The following EBF1 variants were observed in gnomAD, a reference collection of about 807,000 sequenced individuals.
The protein encoded by EBF1 is transcription factor COE1.
A neutral mutation model predicts 68.4 loss-of-function variants in EBF1; 10 were observed. The ratio of observed to expected loss-of-function variants is 0.15; its 90% CI spans 0.09 to 0.25. EBF1 has a LOEUF of 0.25. Among genes scored for constraint, EBF1 ranks in the 10% least tolerant of loss-of-function variants. EBF1 has a pLI of 1.00. For missense variants in EBF1, 509 were observed against 794.4 expected, an observed-to-expected ratio of 0.64 and a Z score of 4.32; for synonymous variants, 298 against 299.8, an observed-to-expected ratio of 0.99 and a Z score of 0.06.
chr5:158,853,589 T>C (rs1793398072), intron 6 of EBF1, among the ~76,000 whole-genome samples: 1 of 152,098 alleles, frequency 6.6e-6, no homozygotes, highest in African/African-American at 2.4e-5. Flanking sequence ...AGAGCTTACA[T>C]CATACAATGC....
intron 6 of EBF1, among the ~76,000 whole-genome samples, chr5:158,988,183 T>C (rs1354543428): frequency 1.2e-4 from 19 of 152,234 alleles, no homozygotes; most frequent in Admixed American, 1.2e-3. Flanking sequence ...CCATCCGCAG[T>C]GGACCTGGCC....
intron 6 of EBF1, among the ~76,000 whole-genome samples, chr5:158,842,081 C>G (rs1790444860): frequency 6.6e-6 from 1 of 152,206 alleles, no homozygotes; most frequent in Non-Finnish European, 1.5e-5. Flanking sequence ...TTTCCGGTAC[C>G]AAGACCCACA....
chr5:159,023,429 G>A (rs1408475984), intron 6 of EBF1, among the ~76,000 whole-genome samples: 2 of 152,090 alleles, frequency 1.3e-5, no homozygotes, highest in Non-Finnish European at 2.9e-5. Context: ...TCTGTCTGAT[G>A]CCCACATTAT....
chr5:158,948,857 T>C (rs11135049), intron 6 of EBF1, among the ~76,000 whole-genome samples: 130,277 of 152,120 alleles, frequency 0.86, 57,148 homozygotes, highest in Non-Finnish European at 0.96. Flanking sequence ...CCTACTTCAT[T>C]CCCTGCCTCC....
chr5:159,018,297 A>G (rs1765998871), intron 6 of EBF1, among the ~76,000 whole-genome samples: 1 of 152,220 alleles, frequency 6.6e-6, no homozygotes, highest in African/African-American at 2.4e-5. Context: ...TTCAACTATG[A>G]TGTGGGAGTT....
At chr5:158,833,682 T>C (rs1788107995) in intron 7 of EBF1, among the ~76,000 whole-genome samples, 1 of 152,144 alleles carries the variant, frequency 6.6e-6, no homozygotes, top group Admixed American at 6.6e-5. Context: ...AGGCATAAAA[T>C]AAAAGGAGTC....
intron 6 of EBF1, among the ~76,000 whole-genome samples, chr5:158,999,257 C>T (rs1393310228): frequency 4.6e-5 from 7 of 152,136 alleles, no homozygotes; most frequent in East Asian, 3.8e-4. Flanking sequence ...TTCCAAGCAA[C>T]GGAGACATAA....
chr5:158,909,974 A>G (rs1003060433), intron 6 of EBF1, among the ~76,000 whole-genome samples: 4 of 150,088 alleles, frequency 2.7e-5, no homozygotes, highest in Non-Finnish European at 4.4e-5. Context: ...AAAAAAAAAA[A>G]AAAAAAAAAA....
chr5:158,937,530 G>A lies in EBF1; in HGVS notation c.555-97420C>T, dbSNP rs577989329. Among the ~76,000 whole-genome samples the A allele has an allele frequency of 1.2e-4, 18 of 152,316 alleles. No homozygotes were observed. The South Asian group carries it at 2.1e-3, about 18-fold the overall frequency. ...CCCTGAGCAAGGGTGTAGGCACACC[G>A]ATGAAGGGAAAGAATTGCTCAGGGT... On this transcript the variant is annotated intron_variant, in intron 6 of 15. Transcript: ENST00000313708.
At chr5:158,905,516 A>G (rs1804386567) in intron 6 of EBF1, among the ~76,000 whole-genome samples, 1 of 152,206 alleles carries the variant, frequency 6.6e-6, no homozygotes, top group Non-Finnish European at 1.5e-5. Context: ...TATTATTTAC[A>G]GTATTTACTT....
chr5:158,781,853 AT>A (rs1345027316), intron 9 of EBF1, among the ~76,000 whole-genome samples: 1 of 152,104 alleles, frequency 6.6e-6, no homozygotes. Context: ...TTCCACCATA[AT>A]TATCTTCTTC....
intron 6 of EBF1, among the ~76,000 whole-genome samples, chr5:158,843,320 C>T (rs1410333487): frequency 6.6e-6 from 1 of 152,110 alleles, no homozygotes; most frequent in East Asian, 1.9e-4. Context: ...CATCTGGTGC[C>T]AAAATGAATT....
intron 11 of EBF1, among the ~76,000 whole-genome samples, chr5:158,719,060 T>A (rs962898515): frequency 6.6e-6 from 1 of 152,218 alleles, no homozygotes; most frequent in Admixed American, 6.5e-5. Context: ...TTAATTTGTA[T>A]GATGAAATGA....
intron 2 of EBF1, chr5:159,096,723 C>A: frequency 1.6e-6 from 1 of 616,852 alleles, no homozygotes; most frequent in Non-Finnish European, 2.8e-6. Flanking sequence ...ATTCCGGGTG[C>A]CCATGGCTGT....
chr5:158,983,893 T>TAA (rs1426872775), intron 6 of EBF1: 16 of 138,940 alleles, frequency 1.2e-4, no homozygotes, highest in South Asian at 2.3e-4. Flanking sequence ...CCTGCAACTG[T>TAA]AAGAGTGTGT....
chr5:158,997,243 C>A (rs1761600668), intron 6 of EBF1, among the ~76,000 whole-genome samples: 1 of 152,120 alleles, frequency 6.6e-6, no homozygotes, highest in South Asian at 2.1e-4. Context: ...TTCCAGGTGG[C>A]CCCAGGGGTC....
intron 7 of EBF1, among the ~76,000 whole-genome samples, chr5:158,824,597 A>G (rs1055307539): frequency 3.3e-5 from 5 of 152,226 alleles, no homozygotes; most frequent in African/African-American, 9.6e-5. Flanking sequence ...GAAGAGGTGA[A>G]CCGCTTTACA....
At chr5:158,926,598 C>T (rs935087260) in intron 6 of EBF1, among the ~76,000 whole-genome samples, 1 of 151,920 alleles carries the variant, frequency 6.6e-6, no homozygotes, top group Non-Finnish European at 1.5e-5. Flanking sequence ...GTGGCACACA[C>T]CTGTAATCCC....
rs1475567826 is a variant in EBF1, at chr5:158,697,790, C to CA, written c.*1320dup. 1 of 208,528 alleles carries CA rather than the reference C, an allele frequency of 4.8e-6. No individual in the cohort carries two copies. The highest frequency in any genetic ancestry group is 9.8e-6 in the Non-Finnish European group (1 of 102,558). The allele number at this position is 208,528 out of a possible 1,614,324, so 12.9% of individuals were successfully genotyped here. A position where few individuals can be genotyped will look rare whatever the true frequency, so the allele number is the denominator to read the frequency against. On this transcript the variant is annotated 3_prime_UTR_variant, in exon 16 of 16. Transcript: ENST00000313708. ...AATCTACAGTATTTATAACTACATA[C>CA]AAAAACACAAGAGCAAAGAAAAAAA...
Sources: allele counts gnomAD v4.1 joint callset (sites outside exome capture counted in the v4.1 genomes callset), GRCh38; gene constraint gnomAD v4.1.1; transcripts MANE v1.5; gene names NCBI Gene and HGNC (gene_info 2026-07-23, HGNC 2026-07-21).